The following ANKS1B variants were observed in gnomAD, a reference collection of about 807,000 sequenced individuals.
The protein encoded by ANKS1B is ankyrin repeat and sterile alpha motif domain-containing protein 1B.
Under a neutral mutation model 148.3 loss-of-function variants are expected in ANKS1B, and 36 were observed. That is an observed-to-expected ratio of 0.24 (90% CI 0.19 to 0.32). The LOEUF (loss-of-function observed/expected upper bound fraction) is 0.32. ANKS1B is among the 10% of genes least tolerant of loss of function. ANKS1B has a pLI of 1.00. For synonymous variants in ANKS1B, 542 were observed against 560.8 expected, an observed-to-expected ratio of 0.97 and a Z score of 0.47; for missense variants, 1,157 against 1,542.6, an observed-to-expected ratio of 0.75 and a Z score of 4.19.
chr12:99,864,604 T>A (rs1323148155), intron 1 of ANKS1B, among the ~76,000 whole-genome samples: 1 of 152,184 alleles, frequency 6.6e-6, no homozygotes, highest in Non-Finnish European at 1.5e-5. Flanking sequence ...TAGAGAAGCA[T>A]GAGCTTTGGA....
chr12:98,768,883 G>GC (rs1443948076), intron 25 of ANKS1B, among the ~76,000 whole-genome samples: 5 of 39,604 alleles, frequency 1.3e-4, no homozygotes, highest in East Asian at 3.0e-3. Context: ...AGCTTCTGTA[G>GC]GGGGGGCTCC....
chr12:99,637,792 T>TATATATATATA (rs558490075), intron 9 of ANKS1B, among the ~76,000 whole-genome samples: 14,761 of 144,538 alleles, frequency 0.1, 913 homozygotes, highest in Middle Eastern at 0.15. Context: ...CTCCCCTTTC[T>TATATATATATA]ATATATATAT....
chr12:99,794,484 C>T (rs1210632254), intron 4 of ANKS1B, among the ~76,000 whole-genome samples: 4 of 151,732 alleles, frequency 2.6e-5, no homozygotes, highest in African/African-American at 9.7e-5. Flanking sequence ...CACACACACA[C>T]ACACACATTT....
intron 19 of ANKS1B, among the ~76,000 whole-genome samples, chr12:98,819,447 C>T (rs991081355): frequency 1.3e-5 from 2 of 152,174 alleles, no homozygotes; most frequent in East Asian, 3.8e-4. Context: ...CTTAAAAAAA[C>T]TCTTCCCAGC....
chr12:99,957,784 A>C (rs781711289), intron 1 of ANKS1B, among the ~76,000 whole-genome samples: 19 of 152,232 alleles, frequency 1.2e-4, no homozygotes, highest in Non-Finnish European at 2.2e-4. Flanking sequence ...CTACCTTCTC[A>C]GTCAACAATT....
At chr12:99,436,221 G>A (rs555486937) in intron 11 of ANKS1B, among the ~76,000 whole-genome samples, 8 of 151,848 alleles carry the variant, frequency 5.3e-5, no homozygotes, top group Middle Eastern at 3.4e-3. Flanking sequence ...ATTCCACCTC[G>A]ATTATTTTCT....
At chr12:99,155,223 T>G (rs948759760) in intron 14 of ANKS1B, 29 of 990,890 alleles carry the variant, frequency 2.9e-5, no homozygotes, top group Non-Finnish European at 3.8e-5. Context: ...TCTTCTTCCT[T>G]TTTAAATGGA....
intron 8 of ANKS1B, among the ~76,000 whole-genome samples, chr12:99,753,593 C>T (rs1478762835): frequency 1.3e-5 from 2 of 152,056 alleles, no homozygotes; most frequent in Non-Finnish European, 2.9e-5. Flanking sequence ...TAAGGCAGGT[C>T]TGGTGGTAAC....
At chr12:99,837,054 C>G (rs1367497790) in intron 1 of ANKS1B, among the ~76,000 whole-genome samples, 1 of 152,080 alleles carries the variant, frequency 6.6e-6, no homozygotes, top group East Asian at 1.9e-4. Flanking sequence ...TCCCGGATTA[C>G]CCAGGTGGGC....
At position 99,830,416 on chromosome 12, in the gene ANKS1B, C is replaced by A. The variant is rs181917757; in HGVS notation, c.135-5027G>T. On this transcript the variant is annotated intron_variant, in intron 1 of 26. Coordinates refer to ENST00000683438, the MANE Select transcript of ANKS1B (RefSeq NM_001352186.2). ...TCTATGGAATATTTTACGGAAAACT[C>A]AACTAAAAGTTCTAAATTTGATTTA... 1.7e-4 allele frequency among the ~76,000 whole-genome samples: 26 copies of A among 151,942 alleles called. No individual in the cohort carries two copies. The East Asian group carries it at 4.6e-3, about 27-fold the overall frequency.
chr12:99,617,957 TTGAAA>T (rs1489489078), intron 9 of ANKS1B, among the ~76,000 whole-genome samples: 2 of 152,212 alleles, frequency 1.3e-5, no homozygotes, highest in Admixed American at 6.5e-5. Flanking sequence ...CTCTTTTGAA[TTGAAA>T]TAAGTCAGAA....
chr12:99,674,625 C>T (rs955064094), intron 8 of ANKS1B, among the ~76,000 whole-genome samples: 1 of 151,614 alleles, frequency 6.6e-6, no homozygotes, highest in South Asian at 2.1e-4. Flanking sequence ...AAGTGGATTA[C>T]TCAATAAACT....
intron 9 of ANKS1B, chr12:99,649,664 T>C: frequency 2.6e-6 from 1 of 380,926 alleles, no homozygotes; most frequent in Non-Finnish European, 4.8e-6. Flanking sequence ...AATCTTGTTA[T>C]AGCAAGGGCT....
intron 17 of ANKS1B, among the ~76,000 whole-genome samples, chr12:98,846,713 C>T (rs760175721): frequency 3.3e-5 from 5 of 152,204 alleles, no homozygotes; most frequent in Non-Finnish European, 7.3e-5. Flanking sequence ...TGCTTTCTTT[C>T]TGGAATGTCT....
chr12:99,752,564 T>C (rs531301202), intron 8 of ANKS1B, among the ~76,000 whole-genome samples: 2 of 152,068 alleles, frequency 1.3e-5, no homozygotes, highest in Admixed American at 6.6e-5. Context: ...GTTTTCTCAT[T>C]ACGCAATAAG....
chr12:99,123,171 A>G (rs1353527324), intron 15 of ANKS1B, among the ~76,000 whole-genome samples: 1 of 152,074 alleles, frequency 6.6e-6, no homozygotes, highest in East Asian at 1.9e-4. Context: ...AAATTAATAT[A>G]CATGTAGAAA....
At chr12:99,697,437 CAT>C (rs752203068) in intron 8 of ANKS1B, among the ~76,000 whole-genome samples, 130 of 152,132 alleles carry the variant, frequency 8.5e-4, no homozygotes, top group Non-Finnish European at 1.3e-3. Context: ...CATGAAAAGA[CAT>C]AAAGAAACCT....
intron 1 of ANKS1B, among the ~76,000 whole-genome samples, chr12:99,874,010 C>T (rs2153730846): frequency 7.0e-6 from 1 of 142,008 alleles, no homozygotes; most frequent in Admixed American, 6.7e-5. Context: ...ATCTCTCTCT[C>T]TCTCTCTCTC....
chr12:99,717,997 G>C (rs1233179533), intron 8 of ANKS1B, among the ~76,000 whole-genome samples: 2 of 141,442 alleles, frequency 1.4e-5, no homozygotes, highest in African/African-American at 5.2e-5. Context: ...TCCGCCTCCC[G>C]GGTTCACGCC....
Sources: allele counts gnomAD v4.1 joint callset (sites outside exome capture counted in the v4.1 genomes callset), GRCh38; gene constraint gnomAD v4.1.1; transcripts MANE v1.5; gene names NCBI Gene and HGNC (gene_info 2026-07-23, HGNC 2026-07-21).